ZSWIM5: variants seen among roughly 807,000 people sequenced by gnomAD.
ZSWIM5 encodes the protein zinc finger SWIM-type containing 5.
A neutral mutation model predicts 119.6 loss-of-function variants in ZSWIM5; 55 were observed. That is an observed-to-expected ratio of 0.46 (90% CI 0.37 to 0.58). The LOEUF is 0.58. Among genes scored for constraint, ZSWIM5 ranks in the 20% least tolerant of loss-of-function variants. The probability of loss-of-function intolerance (pLI) is 0.00; values close to 1 mark genes in which losing one functional copy is unlikely to be tolerated. For synonymous variants in ZSWIM5, 537 were observed against 606.9 expected, an observed-to-expected ratio of 0.88 and a Z score of 1.69; for missense variants, 1,193 against 1,512.8, an observed-to-expected ratio of 0.79 and a Z score of 3.51.
At chr1:45,155,126 G>C (rs1022365807) in intron 1 of ZSWIM5, among the ~76,000 whole-genome samples, 9 of 151,922 alleles carry the variant, frequency 5.9e-5, no homozygotes, top group Non-Finnish European at 1.3e-4. Flanking sequence ...AAATCTTCAC[G>C]ATCTATACAT....
intron 1 of ZSWIM5, among the ~76,000 whole-genome samples, chr1:45,107,001 A>G (rs1250511642): frequency 6.6e-6 from 1 of 152,206 alleles, no homozygotes; most frequent in Non-Finnish European, 1.5e-5. Flanking sequence ...TGTTAAACAG[A>G]TACTTGAAGA....
intron 1 of ZSWIM5, among the ~76,000 whole-genome samples, chr1:45,182,805 T>G (rs550733334): frequency 8.4e-4 from 128 of 152,256 alleles, no homozygotes; most frequent in African/African-American, 3.0e-3. Context: ...TAAGGGAGAC[T>G]TTAACACCCC....
chr1:45,130,998 T>C (rs937963126), intron 1 of ZSWIM5, among the ~76,000 whole-genome samples: 1 of 152,196 alleles, frequency 6.6e-6, no homozygotes, highest in East Asian at 1.9e-4. Context: ...AGCTACATTA[T>C]ACTATTCCAT....
intron 5 of ZSWIM5, among the ~76,000 whole-genome samples, chr1:45,049,391 A>AG: frequency 6.6e-6 from 1 of 152,220 alleles, no homozygotes. Flanking sequence ...CCAAAGGTAA[A>AG]GGGATGTGAG....
chr1:45,042,315 T>C (rs897131026), intron 6 of ZSWIM5, among the ~76,000 whole-genome samples: 4 of 152,196 alleles, frequency 2.6e-5, no homozygotes, highest in African/African-American at 7.2e-5. Context: ...CACCTGACCA[T>C]TTGAAAATCA....
At position 45,169,637 on chromosome 1, in the gene ZSWIM5, C is replaced by G. The variant is rs550853758; in HGVS notation, c.595+36119G>C. 1.3e-4 allele frequency among the ~76,000 whole-genome samples: 20 copies of G among 152,118 alleles called. 1 individual carries two copies. In the East Asian group the frequency reaches 3.9e-3, roughly 29 times the overall value. ...TCATGTCACTTTTCTATTCAGGTAC[C>G]TCCAACAGTTGCCTACTATAAACAA... On this transcript the variant is annotated intron_variant, in intron 1 of 13. Transcript: ENST00000359600.
At chr1:45,178,386 C>T (rs1049831761) in intron 1 of ZSWIM5, among the ~76,000 whole-genome samples, 3 of 152,042 alleles carry the variant, frequency 2.0e-5, no homozygotes, top group Non-Finnish European at 4.4e-5. Flanking sequence ...ATGGCGCCAC[C>T]ACACTCCACC....
intron 1 of ZSWIM5, among the ~76,000 whole-genome samples, chr1:45,169,937 C>T (rs993131234): frequency 3.9e-5 from 6 of 151,956 alleles, no homozygotes; most frequent in East Asian, 1.9e-4. Context: ...AAATTCCACA[C>T]GGTTAACATT....
intron 1 of ZSWIM5, among the ~76,000 whole-genome samples, chr1:45,204,669 T>C (rs953026167): frequency 5.3e-5 from 8 of 152,092 alleles, no homozygotes; most frequent in African/African-American, 1.7e-4. Context: ...CTGGGGTTTG[T>C]GTCTTTCTGT....
intron 1 of ZSWIM5, among the ~76,000 whole-genome samples, chr1:45,130,059 G>A (rs1006656315): frequency 6.6e-6 from 1 of 152,020 alleles, no homozygotes; most frequent in East Asian, 1.9e-4. Flanking sequence ...CACCATGCCC[G>A]GCTAATTTTT....
chr1:45,120,204 C>T (rs61788428), intron 1 of ZSWIM5, among the ~76,000 whole-genome samples: 11,019 of 152,142 alleles, frequency 0.072, 492 homozygotes, highest in Non-Finnish European at 0.1. Context: ...ATTAACTGGG[C>T]GTGGTGGCAC....
At position 45,121,593 on chromosome 1, in the gene ZSWIM5, TTTC is replaced by T. The variant is rs969891137; in HGVS notation, c.596-33359_596-33357del. ...TCATTTATAGATAGGAATCTTTTTT[TTTC>T]TTCTTCTTTTTTTTTTTTTTTTTGA... On this transcript the variant is annotated intron_variant, in intron 1 of 13. Transcript: ENST00000359600. 2.5e-4 allele frequency among the ~76,000 whole-genome samples: 37 copies of T among 150,282 alleles called. No individual in the cohort carries two copies. In the South Asian group the frequency reaches 2.9e-3, roughly 12 times the overall value.
At chr1:45,035,208 G>C (rs1644975672) in intron 10 of ZSWIM5, among the ~76,000 whole-genome samples, 1 of 152,142 alleles carries the variant, frequency 6.6e-6, no homozygotes. Flanking sequence ...ACATCCCAGA[G>C]GTTTAACTGC....
intron 6 of ZSWIM5, among the ~76,000 whole-genome samples, chr1:45,040,974 C>CA: frequency 6.6e-6 from 1 of 152,144 alleles, no homozygotes. Context: ...TCATTGCCCT[C>CA]AAAGAGCTCA....
At chr1:45,039,160 G>A in intron 7 of ZSWIM5, 87 bp from the exon 8 acceptor site, 2 of 1,490,996 alleles carry the variant, frequency 1.3e-6, no homozygotes, top group Non-Finnish European at 1.8e-6. Context: ...AGTCTCTCCA[G>A]CCTTGACCCT....
Position 45,057,591 on chromosome 1 carries a change from T to G in ZSWIM5, c.1252+1018A>C, listed in dbSNP as rs551276930. 1.3e-5 allele frequency among the ~76,000 whole-genome samples: 2 copies of G among 152,264 alleles called. No individual in the cohort carries two copies. The highest frequency in any genetic ancestry group is 2.4e-5 in the African/African-American group (1 of 41,550). Reference sequence around the variant, plus strand: ...TTTGAAGAAATAAAAGGACTTAAGATAGAATTGAGGGAGATGTTACAGAGG... The same window carrying G: ...TTTGAAGAAATAAAAGGACTTAAGAGAGAATTGAGGGAGATGTTACAGAGG... On this transcript the variant is annotated intron_variant, in intron 4 of 13. Coordinates refer to ENST00000359600, the MANE Select transcript of ZSWIM5 (RefSeq NM_020883.2). This position sits in a 1 kb window ranked among gnomAD's most constrained non-coding sequence, Gnocchi z 4.7.
chr1:45,031,209 C>G (rs1347678947), intron 11 of ZSWIM5, among the ~76,000 whole-genome samples: 2 of 70,034 alleles, frequency 2.9e-5, no homozygotes, highest in Admixed American at 4.5e-4. Context: ...CAGAGTCTTA[C>G]TTTGTTGCCC....
chr1:45,087,417 C>A (rs777553544), intron 2 of ZSWIM5, among the ~76,000 whole-genome samples: 1 of 152,222 alleles, frequency 6.6e-6, no homozygotes, highest in Middle Eastern at 3.4e-3. Flanking sequence ...TTAATGCACC[C>A]CCAATATATA....
chr1:45,206,387 C>T lies in ZSWIM5; in HGVS notation c.-37G>A. On this transcript the variant is annotated 5_prime_UTR_variant, in exon 1 of 14. Transcript: ENST00000359600. ...GACTGACTGACTGAGGCGGCGGCGG[C>T]TGCTCGGGCTGCGGCGGAGACCCTG... is the stretch of plus-strand genomic sequence containing the variant. 2 of 1,354,338 alleles carry T rather than the reference C, an allele frequency of 1.5e-6. No homozygotes were observed. Among genetic ancestry groups the T allele is most frequent in the Non-Finnish European group, 1.9e-6 (2 of 1,056,560 alleles). 83.9% of individuals were successfully genotyped at this position (1,354,338 alleles called of 1,614,324 possible).
Sources: allele counts gnomAD v4.1 joint callset (sites outside exome capture counted in the v4.1 genomes callset), GRCh38; gene constraint gnomAD v4.1.1; non-coding constraint Gnocchi (gnomAD v3.1); transcripts MANE v1.5; gene names NCBI Gene and HGNC (gene_info 2026-07-23, HGNC 2026-07-21).